The following LRRC4C variants were observed in gnomAD, a reference collection of about 807,000 sequenced individuals.
LRRC4C encodes the protein leucine-rich repeat-containing protein 4C.
Under a neutral mutation model 33.6 loss-of-function variants are expected in LRRC4C, and 5 were observed. The observed-to-expected ratio is 0.15, with a 90% CI of 0.08 to 0.31. The LOEUF (loss-of-function observed/expected upper bound fraction) is 0.31. Ranked by LOEUF, LRRC4C falls within the 10% of genes least tolerant of loss-of-function variation. LRRC4C has a pLI of 1.00. For synonymous variants in LRRC4C, 329 were observed against 302.0 expected, an observed-to-expected ratio of 1.09 and a Z score of -0.93; for missense variants, 560 against 796.7, an observed-to-expected ratio of 0.70 and a Z score of 3.58.
intron 1 of LRRC4C, among the ~76,000 whole-genome samples, chr11:40,943,411 G>A (rs1248815764): frequency 3.3e-5 from 5 of 152,180 alleles, no homozygotes; most frequent in East Asian, 3.9e-4. Flanking sequence ...CATTACCTTC[G>A]ATTCCAGCAC....
At chr11:41,292,051 T>C (rs1950008269) in intron 1 of LRRC4C, among the ~76,000 whole-genome samples, 1 of 152,166 alleles carries the variant, frequency 6.6e-6, no homozygotes, top group Non-Finnish European at 1.5e-5. Flanking sequence ...TTCTATTTGA[T>C]ATAAAATATT....
At chr11:40,920,878 T>C (rs1374998616) in intron 2 of LRRC4C, among the ~76,000 whole-genome samples, 1 of 151,864 alleles carries the variant, frequency 6.6e-6, no homozygotes, top group East Asian at 1.9e-4. Flanking sequence ...CATCTTAAAA[T>C]GGGAAGATTA....
In LRRC4C at chr11:41,451,780, G is replaced by C. The variant is rs1008169480; in HGVS notation, c.-496+7651C>G. Among the ~76,000 whole-genome samples the C allele has an allele frequency of 9.2e-5, 14 of 152,208 alleles. 1 individual carries two copies. The highest frequency in any genetic ancestry group is 4.1e-4 in the South Asian group (2 of 4,822). ...ATCAGAACAGGTTGACTGATAATAT[G>C]TTTAATGCTTAATAGTAGTCCAGGT... On this transcript the variant is annotated intron_variant, in intron 1 of 6. Coordinates refer to ENST00000528697, the MANE Select transcript of LRRC4C (RefSeq NM_001258419.2).
intron 3 of LRRC4C, among the ~76,000 whole-genome samples, chr11:40,376,004 G>A (rs1331524467): frequency 2.0e-5 from 3 of 152,020 alleles, no homozygotes; most frequent in East Asian, 3.9e-4. Context: ...TTTTAGAATG[G>A]TCCTGGAAGA....
intron 1 of LRRC4C, among the ~76,000 whole-genome samples, chr11:41,276,609 C>T (rs1949493528): frequency 1.3e-5 from 2 of 152,088 alleles, no homozygotes; most frequent in South Asian, 4.1e-4. Flanking sequence ...AAATAACACC[C>T]CTTTCTTCCA....
In LRRC4C at chr11:40,211,335, T is replaced by A. The variant is rs1863591132; in HGVS notation, c.-96+30184A>T. Among the ~76,000 whole-genome samples the A allele has an allele frequency of 2.0e-5, 3 of 152,300 alleles. No individual in the cohort carries two copies. The South Asian group carries it at 6.2e-4, about 32-fold the overall frequency. On this transcript the variant is annotated intron_variant, in intron 5 of 6. Coordinates refer to ENST00000528697, the MANE Select transcript of LRRC4C (RefSeq NM_001258419.2). ...GATAACGAGAAAATAAGCTTCTCTGTTAGATATGTGCTTTTATGGGAATTT... is the reference window on the plus strand; with the variant it reads ...GATAACGAGAAAATAAGCTTCTCTGATAGATATGTGCTTTTATGGGAATTT...
chr11:41,076,027 T>G (rs1235833763), intron 1 of LRRC4C, among the ~76,000 whole-genome samples: 1 of 152,224 alleles, frequency 6.6e-6, no homozygotes, highest in East Asian at 1.9e-4. Context: ...AACATTAAAG[T>G]GCCTTCTGTA....
chr11:40,139,587 C>A (rs1476103328), intron 6 of LRRC4C, among the ~76,000 whole-genome samples: 1 of 152,102 alleles, frequency 6.6e-6, no homozygotes, highest in Admixed American at 6.5e-5. Flanking sequence ...TTAAAAGGGA[C>A]TTCTTCAGAG....
At chr11:40,430,270 G>T (rs888905209) in intron 3 of LRRC4C, among the ~76,000 whole-genome samples, 7 of 149,762 alleles carry the variant, frequency 4.7e-5, no homozygotes, top group Non-Finnish European at 8.9e-5. Context: ...TATGGGGGGG[G>T]TTGCTCTAGG....
chr11:40,834,616 G>A (rs1360292880), intron 2 of LRRC4C, among the ~76,000 whole-genome samples: 1 of 152,026 alleles, frequency 6.6e-6, no homozygotes, highest in African/African-American at 2.4e-5. Flanking sequence ...GGCATCCATG[G>A]ACAAATGTCT....
At chr11:40,563,613 T>C (rs1427474428) in intron 3 of LRRC4C, among the ~76,000 whole-genome samples, 1 of 152,124 alleles carries the variant, frequency 6.6e-6, no homozygotes, top group African/African-American at 2.4e-5. Context: ...TGATATAAAG[T>C]ACATGGGCTA....
chr11:40,966,764 C>A (rs1851393833), intron 1 of LRRC4C, among the ~76,000 whole-genome samples: 1 of 151,928 alleles, frequency 6.6e-6, no homozygotes, highest in African/African-American at 2.4e-5. Context: ...TACCACAATA[C>A]CCTGCCATGA....
At chr11:40,429,910 C>T (rs1348522923) in intron 3 of LRRC4C, among the ~76,000 whole-genome samples, 2 of 152,156 alleles carry the variant, frequency 1.3e-5, no homozygotes, top group Admixed American at 1.3e-4. Context: ...AAATATAATA[C>T]ATGAAATATG....
At chr11:40,324,288 GA>G (rs1258615355) in intron 3 of LRRC4C, among the ~76,000 whole-genome samples, 1 of 152,228 alleles carries the variant, frequency 6.6e-6, no homozygotes, top group Non-Finnish European at 1.5e-5. Context: ...CAATAGTGCA[GA>G]GAATAGAAGA....
intron 3 of LRRC4C, among the ~76,000 whole-genome samples, chr11:40,510,849 T>A (rs565542705): frequency 6.6e-6 from 1 of 152,110 alleles, no homozygotes; most frequent in South Asian, 2.1e-4. Context: ...ATGACCCTTG[T>A]GAATAACAAG....
intron 1 of LRRC4C, among the ~76,000 whole-genome samples, chr11:41,222,643 G>T (rs1947356222): frequency 6.6e-6 from 1 of 151,958 alleles, no homozygotes; most frequent in African/African-American, 2.4e-5. Context: ...TAACAACAAA[G>T]TTTTGACCTT....
At chr11:41,371,562 AG>A (rs1338441626) in intron 1 of LRRC4C, among the ~76,000 whole-genome samples, 1 of 152,210 alleles carries the variant, frequency 6.6e-6, no homozygotes, top group Non-Finnish European at 1.5e-5. Context: ...AAAGAAAGAA[AG>A]CATACTCCCC....
At chr11:40,383,303 GA>G (rs1948966855) in intron 3 of LRRC4C, among the ~76,000 whole-genome samples, 1 of 152,126 alleles carries the variant, frequency 6.6e-6, no homozygotes, top group Admixed American at 6.5e-5. Context: ...CTATTGTGAT[GA>G]TGCTGCAATT....
At chr11:40,293,119 C>T (rs1282250462) in intron 4 of LRRC4C, 1 of 152,288 alleles carries the variant, frequency 6.6e-6, no homozygotes, top group East Asian at 1.9e-4. Context: ...TCCCCTCTCC[C>T]CTCCAAACTC....
Sources: gnomAD v4.1 joint callset for allele counts (sites outside exome capture counted in the v4.1 genomes callset) on GRCh38, gnomAD v4.1.1 for gene constraint, MANE v1.5 for transcripts, NCBI Gene and HGNC (gene_info 2026-07-23, HGNC 2026-07-21) for gene names.